GRM5: variants seen among roughly 807,000 people sequenced by gnomAD.
GRM5 encodes glutamate metabotropic receptor 5.
Under a neutral mutation model 83.1 loss-of-function variants are expected in GRM5, and 19 were observed. The ratio of observed to expected loss-of-function variants is 0.23; its 90% CI spans 0.16 to 0.34. The LOEUF is 0.34. GRM5 is among the 10% of genes least tolerant of loss of function. The probability of loss-of-function intolerance (pLI) is 1.00; values close to 1 mark genes in which losing one functional copy is unlikely to be tolerated. For synonymous variants in GRM5, 675 were observed against 633.6 expected, an observed-to-expected ratio of 1.07 and a Z score of -0.98; for missense variants, 1,160 against 1,588.3, an observed-to-expected ratio of 0.73 and a Z score of 4.58.
intron 3 of GRM5, among the ~76,000 whole-genome samples, chr11:88,663,794 C>T (rs1340669965): frequency 6.6e-6 from 1 of 152,134 alleles, no homozygotes; most frequent in Non-Finnish European, 1.5e-5. Context: ...GCCAAACAGC[C>T]TCTGAGAGCA....
chr11:88,898,010 C>A (rs1455837754), intron 2 of GRM5, among the ~76,000 whole-genome samples: 3 of 151,970 alleles, frequency 2.0e-5, no homozygotes, highest in African/African-American at 7.2e-5. Flanking sequence ...AATACTGTCT[C>A]ACAGTTCTGG....
intron 3 of GRM5, among the ~76,000 whole-genome samples, chr11:88,775,426 C>T (rs982120983): frequency 2.6e-5 from 4 of 151,784 alleles, no homozygotes; most frequent in South Asian, 2.1e-4. Context: ...GGTTTTTTTG[C>T]GTGTCTATCT....
At chr11:88,910,971 T>C (rs1945487556) in intron 2 of GRM5, among the ~76,000 whole-genome samples, 2 of 152,084 alleles carry the variant, frequency 1.3e-5, no homozygotes, top group South Asian at 4.1e-4. Context: ...TCCAAAGTTC[T>C]CCTGAATTTT....
intron 2 of GRM5, among the ~76,000 whole-genome samples, chr11:88,964,575 G>A (rs1938888506): frequency 1.3e-5 from 2 of 152,012 alleles, no homozygotes; most frequent in Non-Finnish European, 2.9e-5. Context: ...ACACCTGCAG[G>A]GAGAAGTGAA....
intron 3 of GRM5, among the ~76,000 whole-genome samples, chr11:88,654,237 T>C (rs1939710940): frequency 1.3e-5 from 2 of 151,896 alleles, no homozygotes; most frequent in African/African-American, 2.4e-5. Flanking sequence ...TAGAGGAGAG[T>C]ATAACAGAAT....
Position 88,857,409 on chromosome 11 carries a change from T to TA in GRM5, c.662-7255dup, listed in dbSNP as rs373758743. Among the ~76,000 whole-genome samples the TA allele has an allele frequency of 3.6e-3, 541 of 152,190 alleles. 3 individuals carry two copies. The highest frequency in any genetic ancestry group is 0.012 in the African/African-American group (513 of 41,572). ...TGATATCATCCCCTAAATATACATATAAGCAGTGTCCAGTCTCCACTTCGT... is the reference window on the plus strand; with the variant it reads ...TGATATCATCCCCTAAATATACATATAAAGCAGTGTCCAGTCTCCACTTCGT... On this transcript the variant is annotated intron_variant, in intron 2 of 9. Coordinates refer to ENST00000305447, the MANE Select transcript of GRM5 (RefSeq NM_001143831.3).
At chr11:88,755,665 A>T (rs1391469788) in intron 3 of GRM5, among the ~76,000 whole-genome samples, 1 of 152,040 alleles carries the variant, frequency 6.6e-6, no homozygotes, top group Non-Finnish European at 1.5e-5. Flanking sequence ...GACACAGCAA[A>T]TTTTTTCTAT....
chr11:88,576,808 A>G (rs1943120784), intron 7 of GRM5, among the ~76,000 whole-genome samples: 1 of 152,152 alleles, frequency 6.6e-6, no homozygotes, highest in Non-Finnish European at 1.5e-5. Flanking sequence ...TCATTTTAAA[A>G]CCGATAGGGT....
intron 1 of GRM5, among the ~76,000 whole-genome samples, chr11:89,065,002 C>G (rs187595774): frequency 1.4e-5 from 2 of 147,298 alleles, no homozygotes; most frequent in Non-Finnish European, 3.0e-5. Context: ...ACATGTCTTC[C>G]AAGCTCCACT....
At chr11:88,983,317 T>G (rs1182206453) in intron 2 of GRM5, among the ~76,000 whole-genome samples, 1 of 152,206 alleles carries the variant, frequency 6.6e-6, no homozygotes, top group East Asian at 1.9e-4. Flanking sequence ...TTTCTCAAAT[T>G]TATCTTAATT....
intron 2 of GRM5, among the ~76,000 whole-genome samples, chr11:88,906,106 A>G (rs1323980160): frequency 6.6e-6 from 1 of 152,182 alleles, no homozygotes; most frequent in Non-Finnish European, 1.5e-5. Flanking sequence ...TTGTAAACGC[A>G]AATTAATTTT....
intron 2 of GRM5, among the ~76,000 whole-genome samples, chr11:89,035,229 T>C (rs1185842746): frequency 6.6e-6 from 1 of 151,808 alleles, no homozygotes; most frequent in Non-Finnish European, 1.5e-5. Flanking sequence ...TAGCTTTTAT[T>C]ATACTTTAAG....
intron 2 of GRM5, among the ~76,000 whole-genome samples, chr11:89,022,853 G>T (rs898594413): frequency 1.3e-5 from 2 of 152,132 alleles, no homozygotes; most frequent in Admixed American, 1.3e-4. Context: ...CTAGAGGAGG[G>T]TTCAAGCAGG....
chr11:88,883,978 GCTACAGCACTA>G (rs1945002301), intron 2 of GRM5, among the ~76,000 whole-genome samples: 2 of 152,186 alleles, frequency 1.3e-5, no homozygotes, highest in Non-Finnish European at 2.9e-5. Flanking sequence ...GAGAACCTCT[GCTACAGCACTA>G]TGGAAGGGAA....
intron 4 of GRM5, among the ~76,000 whole-genome samples, chr11:88,618,314 G>T (rs1938539222): frequency 6.6e-6 from 1 of 152,164 alleles, no homozygotes; most frequent in Non-Finnish European, 1.5e-5. Flanking sequence ...ATTTGGAAGT[G>T]ATGTAAAGAG....
At chr11:88,665,529 T>C (rs1474290637) in intron 3 of GRM5, among the ~76,000 whole-genome samples, 1 of 152,168 alleles carries the variant, frequency 6.6e-6, no homozygotes, top group African/African-American at 2.4e-5. Flanking sequence ...ATAAAACGTA[T>C]AGGTATAGAG....
At chr11:88,913,048 C>A (rs778107279) in intron 2 of GRM5, among the ~76,000 whole-genome samples, 1 of 152,148 alleles carries the variant, frequency 6.6e-6, no homozygotes, top group Non-Finnish European at 1.5e-5. Flanking sequence ...TTGCAGTGGG[C>A]CTTGCAAATT....
At chr11:89,028,693 G>A (rs1249142861) in intron 2 of GRM5, among the ~76,000 whole-genome samples, 1 of 152,172 alleles carries the variant, frequency 6.6e-6, no homozygotes, top group Non-Finnish European at 1.5e-5. Context: ...AACACACAAT[G>A]TAATGATCTT....
intron 2 of GRM5, among the ~76,000 whole-genome samples, chr11:88,970,337 C>G (rs1282804649): frequency 6.6e-6 from 1 of 152,088 alleles, no homozygotes; most frequent in African/African-American, 2.4e-5. Context: ...CCCTGCTTCC[C>G]CTAGATTTTC....
Sources: allele counts gnomAD v4.1 joint callset (sites outside exome capture counted in the v4.1 genomes callset), GRCh38; gene constraint gnomAD v4.1.1; transcripts MANE v1.5; gene names NCBI Gene and HGNC (gene_info 2026-07-23, HGNC 2026-07-21).